SYNDIG1: variants seen among roughly 807,000 people sequenced by gnomAD.
The protein encoded by SYNDIG1 is synapse differentiation-inducing gene protein 1.
A neutral mutation model predicts 19.4 loss-of-function variants in SYNDIG1; 9 were observed. The observed-to-expected ratio is 0.46, with a 90% CI of 0.28 to 0.81. SYNDIG1 has a LOEUF of 0.81. Ranked by LOEUF, SYNDIG1 falls within the 30% of genes least tolerant of loss-of-function variation. The pLI is 0.12. For synonymous variants in SYNDIG1, 141 were observed against 145.9 expected (o/e 0.97, Z 0.24); for missense variants, 311 against 343.3 (o/e 0.91, Z 0.74).
chr20:24,578,095 T>C (rs2058258749), intron 2 of SYNDIG1, among the ~76,000 whole-genome samples: 1 of 152,234 alleles, frequency 6.6e-6, no homozygotes, highest in Non-Finnish European at 1.5e-5. Context: ...TTCTGGGCAC[T>C]TAGGATACAG....
intron 3 of SYNDIG1, among the ~76,000 whole-genome samples, chr20:24,588,091 G>A (rs545969508): frequency 7.4e-4 from 112 of 152,262 alleles, no homozygotes; most frequent in Non-Finnish European, 9.0e-4. Context: ...GTCCCATTTA[G>A]CAGGCAGCTC....
chr20:24,573,165 C>T (rs992431997), intron 2 of SYNDIG1, among the ~76,000 whole-genome samples: 1 of 152,188 alleles, frequency 6.6e-6, no homozygotes, highest in Non-Finnish European at 1.5e-5. Context: ...ATGCAAGCAA[C>T]GTACATTGTA....
At chr20:24,585,231 C>T (rs183973136) in intron 3 of SYNDIG1, among the ~76,000 whole-genome samples, 1 of 152,328 alleles carries the variant, frequency 6.6e-6, no homozygotes, top group Admixed American at 6.5e-5. Context: ...GGTGGGACTG[C>T]GTTCCGAAGA....
At chr20:24,476,678 A>T (rs1278025473) in intron 1 of SYNDIG1, among the ~76,000 whole-genome samples, 1 of 151,908 alleles carries the variant, frequency 6.6e-6, no homozygotes, top group African/African-American at 2.4e-5. Flanking sequence ...TAAAAAAAAA[A>T]CAAACAAACA....
chr20:24,470,812 G>A (rs544093551), intron 1 of SYNDIG1, among the ~76,000 whole-genome samples: 1 of 152,268 alleles, frequency 6.6e-6, no homozygotes, highest in South Asian at 2.1e-4. Context: ...TGGGCGCTTG[G>A]CACCCAGACT....
chr20:24,626,267 T>G lies in SYNDIG1; in HGVS notation c.619-39079T>G, dbSNP rs957832525. The stretch of plus-strand genomic sequence containing the variant: ...GGTGGCTGCCGGGCGGAGATGCTCC[T>G]CACTTCCCAGATGGGGTGGCAGCCG... On this transcript the variant is annotated intron_variant, in intron 3 of 3. Transcript: ENST00000376862. Among the ~76,000 whole-genome samples, 318 of 151,132 alleles carry G rather than the reference T, an allele frequency of 2.1e-3. 1 individual carries two copies. The highest frequency in any genetic ancestry group is 7.6e-3 in the African/African-American group (310 of 40,992).
intron 1 of SYNDIG1, among the ~76,000 whole-genome samples, chr20:24,522,078 C>A (rs2057017424): frequency 6.6e-6 from 1 of 151,962 alleles, no homozygotes; most frequent in African/African-American, 2.4e-5. Flanking sequence ...CCTGTTCTAT[C>A]TTTTTTTCTT....
intron 1 of SYNDIG1, among the ~76,000 whole-genome samples, chr20:24,515,525 G>A (rs990767377): frequency 6.6e-6 from 1 of 151,924 alleles, no homozygotes; most frequent in African/African-American, 2.4e-5. Context: ...AAAATCACAA[G>A]CATTCTTATA....
chr20:24,570,936 T>G (rs528832833), intron 2 of SYNDIG1, among the ~76,000 whole-genome samples: 1 of 152,296 alleles, frequency 6.6e-6, no homozygotes, highest in East Asian at 1.9e-4. Context: ...TTATGGACTA[T>G]TACTCAGGAA....
chr20:24,524,381 C>G (rs1342869087), intron 1 of SYNDIG1, among the ~76,000 whole-genome samples: 4 of 152,212 alleles, frequency 2.6e-5, no homozygotes, highest in Non-Finnish European at 5.9e-5. Flanking sequence ...CAGGGTGGCT[C>G]ACGCCAGTAA....
intron 3 of SYNDIG1, among the ~76,000 whole-genome samples, chr20:24,605,800 A>C (rs1015128877): frequency 1.3e-5 from 2 of 152,234 alleles, no homozygotes; most frequent in Non-Finnish European, 1.5e-5. Context: ...GTCCAAGGGC[A>C]GAGTCTGCAA....
At position 24,625,384 on chromosome 20, in the gene SYNDIG1, A is replaced by ATTTTT. The variant is rs35759862; in HGVS notation, c.619-39945_619-39941dup. 2.4e-4 allele frequency among the ~76,000 whole-genome samples: 28 copies of ATTTTT among 115,264 alleles called. 1 individual carries two copies. Among genetic ancestry groups the ATTTTT allele is most frequent in the African/African-American group, 9.5e-4 (28 of 29,404 alleles). The allele number at this position is 115,264 out of a possible 152,430, so 75.6% of individuals were successfully genotyped here. A position where few individuals can be genotyped will look rare whatever the true frequency, so the allele number is the denominator to read the frequency against. Reference sequence around the variant, plus strand: ...GGCCATCACTCCAAATGCCTGGGACATTTTTTTTTTTTTTTTTTTTTGATC... The same window carrying ATTTTT: ...GGCCATCACTCCAAATGCCTGGGACATTTTTTTTTTTTTTTTTTTTTTTTTTGATC... On this transcript the variant is annotated intron_variant, in intron 3 of 3. Coordinates refer to ENST00000376862, the MANE Select transcript of SYNDIG1 (RefSeq NM_024893.3).
At chr20:24,592,456 G>A (rs1008919502) in intron 3 of SYNDIG1, among the ~76,000 whole-genome samples, 4 of 152,144 alleles carry the variant, frequency 2.6e-5, no homozygotes, top group Non-Finnish European at 5.9e-5. Context: ...CTCAGAGAGT[G>A]TGGGGACATG....
intron 3 of SYNDIG1, among the ~76,000 whole-genome samples, chr20:24,625,384 A>AT (rs35759862): frequency 0.37 from 43,141 of 115,138 alleles, 8,421 homozygotes; most frequent in East Asian, 0.45. Context: ...TGCCTGGGAC[A>AT]TTTTTTTTTT....
At chr20:24,614,083 C>T (rs2040179198) in intron 3 of SYNDIG1, among the ~76,000 whole-genome samples, 13 of 152,364 alleles carry the variant, frequency 8.5e-5, no homozygotes, top group Admixed American at 7.8e-4. Context: ...CAGCCTTGCC[C>T]TATGGGGCTC....
chr20:24,566,847 T>C (rs1347443783), intron 2 of SYNDIG1, among the ~76,000 whole-genome samples: 1 of 152,192 alleles, frequency 6.6e-6, no homozygotes, highest in Non-Finnish European at 1.5e-5. Context: ...ACTGAGAGTC[T>C]GCATTCCTAC....
chr20:24,630,854 G>A (rs2059230540), intron 3 of SYNDIG1, among the ~76,000 whole-genome samples: 1 of 152,250 alleles, frequency 6.6e-6, no homozygotes, highest in South Asian at 2.1e-4. Flanking sequence ...TGAAGCAGTT[G>A]GTGGTGAGAC....
At chr20:24,637,917 T>C (rs2059331971) in intron 3 of SYNDIG1, among the ~76,000 whole-genome samples, 1 of 152,200 alleles carries the variant, frequency 6.6e-6, no homozygotes, top group South Asian at 2.1e-4. Flanking sequence ...AATCCAGGGC[T>C]ATCCTAGAAG....
chr20:24,610,181 GGT>G, intron 3 of SYNDIG1, among the ~76,000 whole-genome samples: 1 of 152,276 alleles, frequency 6.6e-6, no homozygotes, highest in East Asian at 1.9e-4. Context: ...GACACTGGTG[GGT>G]GGAGAGACGG....
Sources: allele counts gnomAD v4.1 joint callset (sites outside exome capture counted in the v4.1 genomes callset), GRCh38; gene constraint gnomAD v4.1.1; transcripts MANE v1.5; gene names NCBI Gene and HGNC (gene_info 2026-07-23, HGNC 2026-07-21).